The following FSD1L variants were observed in gnomAD, a reference collection of about 807,000 sequenced individuals.
FSD1L encodes the protein fibronectin type III and SPRY domain containing 1 like, also known as FSD1-like protein.
Under a neutral mutation model 71.6 loss-of-function variants are expected in FSD1L, and 45 were observed. The ratio of observed to expected loss-of-function variants is 0.63; its 90% CI spans 0.49 to 0.81. The LOEUF is 0.81. FSD1L is among the 30% of genes least tolerant of loss of function. The pLI is 0.00. For synonymous variants in FSD1L, 197 were observed against 207.2 expected (o/e 0.95, Z 0.42); for missense variants, 561 against 618.1 (o/e 0.91, Z 0.98).
intron 10 of FSD1L, 27 bp downstream of exon 10, chr9:105,512,963 A>G: frequency 6.7e-7 from 1 of 1,488,510 alleles, no homozygotes; most frequent in Non-Finnish European, 8.9e-7. Context: ...AATCTGCCAT[A>G]TGGACAAATG....
In FSD1L at chr9:105,506,447, ACT is replaced by A; in HGVS notation, c.638_639del (p.Ser213CysfsTer12). The A allele has an allele frequency of 6.4e-7, 1 of 1,551,906 alleles. No individual in the cohort carries two copies. The highest frequency in any genetic ancestry group is 8.7e-7 in the Non-Finnish European group (1 of 1,147,028). ...CCAGTAGAGTGTTTGGTGGCAGATAACTCTGTAACAGTGGCTTGGAGAATGCC... is the reference window on the plus strand; with the variant it reads ...CCAGTAGAGTGTTTGGTGGCAGATAACTGTAACAGTGGCTTGGAGAATGCC... On this transcript the variant is annotated frameshift_variant, in exon 8 of 14. Coordinates refer to ENST00000481272, the MANE Select transcript of FSD1L (RefSeq NM_001145313.3). LOFTEE classifies it high-confidence loss of function.
chr9:105,527,320 G>A (rs1244259511), intron 10 of FSD1L, among the ~76,000 whole-genome samples: 4 of 151,090 alleles, frequency 2.6e-5, no homozygotes, highest in African/African-American at 7.3e-5. Context: ...GCACCAAAAA[G>A]AAGATGGGGA....
intron 6 of FSD1L, among the ~76,000 whole-genome samples, chr9:105,482,102 A>G (rs1447592364): frequency 1.3e-5 from 2 of 152,120 alleles, no homozygotes; most frequent in Non-Finnish European, 2.9e-5. Context: ...AAGGGCATAG[A>G]TGGATTTTAA....
At chr9:105,531,232 T>A (rs1490351994) in intron 10 of FSD1L, among the ~76,000 whole-genome samples, 1 of 152,188 alleles carries the variant, frequency 6.6e-6, no homozygotes, top group African/African-American at 2.4e-5. Flanking sequence ...TCCTGGTAAT[T>A]TGCATTTTTA....
chr9:105,470,495 G>C (rs1011226588), intron 4 of FSD1L, among the ~76,000 whole-genome samples: 4 of 152,012 alleles, frequency 2.6e-5, no homozygotes, highest in African/African-American at 9.7e-5. Context: ...AAAGTATGCT[G>C]TTCTTTTTGA....
rs41277781 is a variant in FSD1L at position 105,548,421 on chromosome 9, C to A, written c.*1938C>A. ...AGATGCTGTTGTATAAAATTTTTTA[C>A]TAGTGTGTCTTATATAATTCTTTCT... On this transcript the variant is annotated 3_prime_UTR_variant, in exon 14 of 14. Coordinates refer to ENST00000481272, the MANE Select transcript of FSD1L (RefSeq NM_001145313.3). The A allele has an allele frequency of 0.11, 16,298 of 152,414 alleles. 1,201 individuals carry two copies. Among genetic ancestry groups the A allele is most frequent in the African/African-American group, 0.21 (8,691 of 41,446 alleles). The allele number at this position is 152,414 out of a possible 1,614,324, so 9.4% of individuals were successfully genotyped here. A position where few individuals can be genotyped will look rare whatever the true frequency, so the allele number is the denominator to read the frequency against.
chr9:105,494,944 G>A (rs1361586211), intron 7 of FSD1L, among the ~76,000 whole-genome samples: 1 of 152,234 alleles, frequency 6.6e-6, no homozygotes, highest in Admixed American at 6.5e-5. Flanking sequence ...GCTGCTCGGG[G>A]GTCAGGGGTC....
intron 2 of FSD1L, among the ~76,000 whole-genome samples, chr9:105,462,366 G>A (rs749046981): frequency 4.7e-5 from 7 of 149,912 alleles, no homozygotes; most frequent in African/African-American, 1.5e-4. Flanking sequence ...GATTACAGGC[G>A]CCCATCACCA....
intron 10 of FSD1L, chr9:105,521,863 A>G: frequency 6.2e-7 from 1 of 1,612,456 alleles, no homozygotes; most frequent in East Asian, 2.2e-5. Flanking sequence ...AACTCATCAA[A>G]TATATTTCTT....
chr9:105,464,080 T>A (rs1379345593), intron 2 of FSD1L, among the ~76,000 whole-genome samples, 156 bp from the exon 3 acceptor site: 2 of 152,216 alleles, frequency 1.3e-5, no homozygotes, highest in Non-Finnish European at 2.9e-5. Context: ...TTTCTAATTA[T>A]AAGCCTTTGG....
At position 105,506,437 on chromosome 9, in the gene FSD1L, G is replaced by C; in HGVS notation, c.625G>C (p.Val209Leu). The change falls in exon 8 of 14, where the codon GTG becomes CTG. Residue 209 changes from valine to leucine, a missense_variant. This residue lies in a region of FSD1L where 410 missense variants were observed against 413.5 expected (regional missense o/e 0.99). Transcript: ENST00000481272. ...APEIDPVECL[V>L]ADNSVTVAWR... ...AGAGATAGATCCAGTAGAGTGTTTG[G>C]TGGCAGATAACTCTGTAACAGTGGC... The C allele has an allele frequency of 6.4e-7, 1 of 1,551,764 alleles. No homozygotes were observed. Among genetic ancestry groups the C allele is most frequent in the Non-Finnish European group, 8.7e-7 (1 of 1,146,982 alleles).
rs1837156722 is a variant in FSD1L at position 105,548,984 on chromosome 9, TA to T, written c.*2503del. ...ATATAGTGCCTATTTAGTCTCAAAA[TA>T]AGGTAACTATTAACTTGATTATACT... On this transcript the variant is annotated 3_prime_UTR_variant, in exon 14 of 14. Coordinates refer to ENST00000481272, the MANE Select transcript of FSD1L (RefSeq NM_001145313.3). The T allele has an allele frequency of 6.6e-6, 1 of 152,226 alleles. No homozygotes were observed. Among genetic ancestry groups the T allele is most frequent in the South Asian group, 2.1e-4 (1 of 4,826 alleles). 9.4% of individuals were successfully genotyped at this position (152,226 alleles called of 1,614,324 possible).
intron 10 of FSD1L, among the ~76,000 whole-genome samples, chr9:105,527,942 C>G (rs1029359781): frequency 6.6e-6 from 1 of 152,180 alleles, no homozygotes; most frequent in Non-Finnish European, 1.5e-5. Context: ...GCAACTTCAG[C>G]AAAGTCTCAG....
intron 3 of FSD1L, among the ~76,000 whole-genome samples, chr9:105,467,036 T>C (rs1418759807): frequency 6.6e-6 from 1 of 152,214 alleles, no homozygotes; most frequent in Admixed American, 6.5e-5. Context: ...GTTTCTTTTT[T>C]ATGAATGAAT....
At chr9:105,502,883 GAT>G (rs1016188227) in intron 7 of FSD1L, among the ~76,000 whole-genome samples, 15 of 142,692 alleles carry the variant, frequency 1.1e-4, no homozygotes, top group Non-Finnish European at 2.0e-4. Context: ...ACTGTAATAA[GAT>G]TTTTTTTTTT....
At chr9:105,536,747 T>C (rs1836291384) in intron 12 of FSD1L, among the ~76,000 whole-genome samples, 1 of 151,792 alleles carries the variant, frequency 6.6e-6, no homozygotes, top group Non-Finnish European at 1.5e-5. Flanking sequence ...GCGACTCTCC[T>C]GCCTCAGCCT....
chr9:105,459,498 C>T (rs1830557895), intron 1 of FSD1L, among the ~76,000 whole-genome samples: 1 of 152,244 alleles, frequency 6.6e-6, no homozygotes, highest in Non-Finnish European at 1.5e-5. Flanking sequence ...TGCTCATCCT[C>T]TCTACAGCAG....
chr9:105,504,527 T>C (rs533372010), intron 7 of FSD1L, among the ~76,000 whole-genome samples: 3 of 152,198 alleles, frequency 2.0e-5, no homozygotes, highest in African/African-American at 7.2e-5. Context: ...ATCTTAACTT[T>C]AATATGTAAT....
At chr9:105,546,184 A>C (rs1274556488) in intron 13 of FSD1L, among the ~76,000 whole-genome samples, 174 bp from the exon 14 acceptor site, 1 of 151,608 alleles carries the variant, frequency 6.6e-6, no homozygotes, top group Non-Finnish European at 1.5e-5. Flanking sequence ...CTGTGGTTCT[A>C]AAATAATTCT....
Sources: allele counts gnomAD v4.1 joint callset (sites outside exome capture counted in the v4.1 genomes callset), GRCh38; gene constraint gnomAD v4.1.1; regional missense constraint gnomAD v4.1.1; transcripts MANE v1.5; gene names NCBI Gene and HGNC (gene_info 2026-07-23, HGNC 2026-07-21).